The following BACH1 variants were observed in gnomAD, a reference collection of about 807,000 sequenced individuals.
BACH1 encodes the protein transcription regulator protein BACH1.
A neutral mutation model predicts 52.9 loss-of-function variants in BACH1; 35 were observed. That is an observed-to-expected ratio of 0.66 (90% CI 0.51 to 0.88). The LOEUF (loss-of-function observed/expected upper bound fraction) is 0.88. Ranked by LOEUF, BACH1 falls within the 40% of genes least tolerant of loss-of-function variation. The pLI, the probability that BACH1 is intolerant of heterozygous loss-of-function variation, is 0.00. For missense variants in BACH1, 808 were observed against 872.6 expected, an observed-to-expected ratio of 0.93 and a Z score of 0.93; for synonymous variants, 321 against 319.6, an observed-to-expected ratio of 1.00 and a Z score of -0.05.
chr21:29,313,631 A>G (rs773106030), intron 1 of BACH1, among the ~76,000 whole-genome samples: 5 of 152,262 alleles, frequency 3.3e-5, no homozygotes, highest in Admixed American at 6.5e-5. Flanking sequence ...ACAAAGGAAC[A>G]TCTGATGTAT....
rs2045108144 is a variant in BACH1 at position 29,298,962 on chromosome 21, C to T, written c.-61+9C>T. 6.6e-6 allele frequency: 1 copy of T among 151,866 alleles called. No homozygotes were observed. Among genetic ancestry groups the T allele is most frequent in the Non-Finnish European group, 1.5e-5 (1 of 67,974 alleles). 9.4% of individuals were successfully genotyped at this position (151,866 alleles called of 1,614,324 possible). On this transcript the variant is annotated intron_variant, in intron 1 of 4. Transcript: ENST00000286800. The stretch of plus-strand genomic sequence containing the variant: ...GCCGCGCCTCAGCTCTGGTGAGTGG[C>T]TCGGCCGTCCCGCCGGCCCTTCTCC...
At chr21:29,310,465 A>G (rs1047160196) in intron 1 of BACH1, among the ~76,000 whole-genome samples, 23 of 152,250 alleles carry the variant, frequency 1.5e-4, no homozygotes, top group African/African-American at 4.6e-4. Flanking sequence ...GGTGATGCCT[A>G]TTAGACATAC....
rs544008928 is a variant in BACH1 at position 29,342,702 on chromosome 21, C to T, written c.2080C>T (p.Arg694Ter). The T allele has an allele frequency of 3.2e-5, 52 of 1,614,198 alleles. No homozygotes were observed. Among genetic ancestry groups the T allele is most frequent in the South Asian group, 7.7e-5 (7 of 91,088 alleles). ...ARGNSEPGYA[R>*]GQESQQMSTA... ...AGGAAACAGTGAGCCTGGCTACGCG[C>T]GAGGGCAGGAGTCCCAGCAGATGTC... is the stretch of plus-strand genomic sequence containing the variant. The change falls in exon 5 of 5, where the codon CGA (arginine) becomes TGA (stop). Residue 694 changes from arginine (R) to a stop codon, truncating the protein, a stop_gained. Coordinates refer to ENST00000286800, the MANE Select transcript of BACH1 (RefSeq NM_001186.4). LOFTEE classifies it low-confidence loss of function (END_TRUNC).
chr21:29,310,807 G>T (rs573555821), intron 1 of BACH1, among the ~76,000 whole-genome samples: 11 of 152,384 alleles, frequency 7.2e-5, no homozygotes, highest in Non-Finnish European at 1.3e-4. Context: ...GGAGTGGAGG[G>T]GAAAAGGCTT....
intron 2 of BACH1, among the ~76,000 whole-genome samples, chr21:29,358,770 A>G (rs754512276): frequency 7.3e-5 from 8 of 108,890 alleles, no homozygotes; most frequent in Non-Finnish European, 7.8e-5. Flanking sequence ...AAAAGAAAAG[A>G]AAAGAAAGAA....
intron 1 of BACH1, among the ~76,000 whole-genome samples, chr21:29,314,670 C>A (rs1189202373): frequency 6.6e-6 from 1 of 152,098 alleles, no homozygotes; most frequent in Non-Finnish European, 1.5e-5. Context: ...GTTATTTACT[C>A]CTCTAACAAT....
intron 1 of BACH1, among the ~76,000 whole-genome samples, chr21:29,319,593 C>T (rs578114832): frequency 6.6e-6 from 1 of 151,192 alleles, no homozygotes; most frequent in African/African-American, 2.4e-5. Flanking sequence ...TATAATGACA[C>T]CAGTCTGTGT....
chr21:29,350,873 C>G (rs781432798), downstream of BACH1, among the ~76,000 whole-genome samples: 8 of 152,096 alleles, frequency 5.3e-5, no homozygotes, highest in Non-Finnish European at 1.0e-4. Context: ...AAAGATACCC[C>G]AGAAGAGGAG....
At chr21:29,322,398 T>G (rs1452884255) in intron 2 of BACH1, among the ~76,000 whole-genome samples, 1 of 152,238 alleles carries the variant, frequency 6.6e-6, no homozygotes, top group African/African-American at 2.4e-5. Context: ...TTATATAGCC[T>G]TATTTTTACA....
chr21:29,342,068 C>A (rs1293498445), intron 4 of BACH1, among the ~76,000 whole-genome samples: 1 of 152,174 alleles, frequency 6.6e-6, no homozygotes. Flanking sequence ...ATCCTACTTT[C>A]TTCATTATTT....
chr21:29,340,560 A>G (rs1481604338), intron 4 of BACH1, among the ~76,000 whole-genome samples: 1 of 152,236 alleles, frequency 6.6e-6, no homozygotes, highest in Non-Finnish European at 1.5e-5. Context: ...AGGAAGCTCA[A>G]GTACTCCTTA....
chr21:29,300,690 T>A (rs1216232101), intron 1 of BACH1: 1 of 152,252 alleles, frequency 6.6e-6, no homozygotes, highest in Non-Finnish European at 1.5e-5. Context: ...TGGTTTCTGT[T>A]ACGTGGTCTA....
downstream of BACH1, among the ~76,000 whole-genome samples, chr21:29,348,585 C>T (rs906356475): frequency 6.6e-6 from 1 of 152,206 alleles, no homozygotes; most frequent in Non-Finnish European, 1.5e-5. Flanking sequence ...TGGCCGTATA[C>T]ACTGATCATT....
At chr21:29,316,337 A>G (rs1475910006) in intron 1 of BACH1, among the ~76,000 whole-genome samples, 1 of 152,220 alleles carries the variant, frequency 6.6e-6, no homozygotes, top group Non-Finnish European at 1.5e-5. Flanking sequence ...TTATTTCCAA[A>G]TTGAGGTGTA....
intron 2 of BACH1, chr21:29,352,541 C>A (rs375063502): frequency 2.0e-5 from 3 of 152,024 alleles, no homozygotes; most frequent in African/African-American, 7.3e-5. Context: ...ATCAATTCAC[C>A]GCATTGAATG....
At chr21:29,312,351 G>GA (rs2123418989) in intron 1 of BACH1, among the ~76,000 whole-genome samples, 1 of 152,186 alleles carries the variant, frequency 6.6e-6, no homozygotes, top group Non-Finnish European at 1.5e-5. Flanking sequence ...ATTTAGTGGC[G>GA]AAATACTTAA....
chr21:29,360,357 A>G (rs2089264037), intron 2 of BACH1, among the ~76,000 whole-genome samples: 1 of 152,210 alleles, frequency 6.6e-6, no homozygotes, highest in South Asian at 2.1e-4. Flanking sequence ...GCAGATATCT[A>G]AAAGCAAGAA....
intron 4 of BACH1, among the ~76,000 whole-genome samples, chr21:29,338,983 G>T (rs918553523): frequency 2.6e-5 from 4 of 152,178 alleles, no homozygotes; most frequent in African/African-American, 9.6e-5. Flanking sequence ...TCTTAGTTCA[G>T]AGAGGTTGTC....
intron 1 of BACH1, among the ~76,000 whole-genome samples, chr21:29,307,392 T>A (rs2088670970): frequency 6.6e-6 from 1 of 151,370 alleles, no homozygotes; most frequent in South Asian, 2.1e-4. Context: ...AACATGTCCA[T>A]TACCTCACTT....
Sources: gnomAD v4.1 joint callset for allele counts (sites outside exome capture counted in the v4.1 genomes callset) on GRCh38, gnomAD v4.1.1 for gene constraint, MANE v1.5 for transcripts, NCBI Gene and HGNC (gene_info 2026-07-23, HGNC 2026-07-21) for gene names.